Variants in GRAMD1B observed in about 807,000 individuals in gnomAD.
The protein encoded by GRAMD1B is protein Aster-B.
GRAMD1B carries 37 observed loss-of-function variants against 99.7 expected under a neutral mutation model. The ratio of observed to expected loss-of-function variants is 0.37; its 90% CI spans 0.29 to 0.49. The LOEUF is 0.49. GRAMD1B is among the 20% of genes least tolerant of loss of function. The pLI is 0.98. For missense variants in GRAMD1B, 888 were observed against 1,009.2 expected (o/e 0.88, Z 1.63); for synonymous variants, 427 against 387.6 (o/e 1.10, Z -1.19).
chr11:123,457,495 G>A (rs11219147), intron 1 of GRAMD1B, among the ~76,000 whole-genome samples: 19,018 of 152,160 alleles, frequency 0.12, 1,714 homozygotes, highest in East Asian at 0.37. Context: ...AGATTTCTTA[G>A]CTTAGCGTCA....
Position 123,435,598 on chromosome 11 carries a change from G to A in GRAMD1B, c.374+4432G>A, listed in dbSNP as rs1591527411. On this transcript the variant is annotated intron_variant, in intron 1 of 19. Transcript: ENST00000635736. ...ACTGGAATACTCCAAGACCAATCATGTTCATCTTTGTATCGTCACAGCACT... is the reference window on the plus strand; with the variant it reads ...ACTGGAATACTCCAAGACCAATCATATTCATCTTTGTATCGTCACAGCACT... 4.6e-5 allele frequency: 28 copies of A among 611,376 alleles called. No individual in the cohort carries two copies. The East Asian group carries it at 7.2e-4, about 16-fold the overall frequency. The allele number at this position is 611,376 out of a possible 1,614,324, so 37.9% of individuals were successfully genotyped here. A position where few individuals can be genotyped will look rare whatever the true frequency, so the allele number is the denominator to read the frequency against.
At chr11:123,393,774 T>C (rs1947360272) in intron 1 of GRAMD1B, among the ~76,000 whole-genome samples, 1 of 152,136 alleles carries the variant, frequency 6.6e-6, no homozygotes, top group Non-Finnish European at 1.5e-5. Context: ...CCCTCTTCAA[T>C]GTGGAAGGGG....
intron 2 of GRAMD1B, among the ~76,000 whole-genome samples, chr11:123,509,504 C>A (rs2846302): frequency 0.71 from 107,706 of 152,194 alleles, 38,362 homozygotes; most frequent in African/African-American, 0.76. Flanking sequence ...TTTTGTCAAG[C>A]AGGTCAGTGG....
At chr11:123,403,475 A>G (rs1198748131) in intron 1 of GRAMD1B, among the ~76,000 whole-genome samples, 1 of 147,728 alleles carries the variant, frequency 6.8e-6, no homozygotes, top group Non-Finnish European at 1.5e-5. Flanking sequence ...TAATAATAAT[A>G]ATAATAATAA....
intron 2 of GRAMD1B, among the ~76,000 whole-genome samples, chr11:123,543,319 A>G (rs1287288619): frequency 6.6e-6 from 1 of 152,200 alleles, no homozygotes; most frequent in Non-Finnish European, 1.5e-5. Flanking sequence ...AAGAATAAAA[A>G]TATACATGGA....
At chr11:123,434,603 C>T (rs963516407) in intron 1 of GRAMD1B, among the ~76,000 whole-genome samples, 31 of 152,124 alleles carry the variant, frequency 2.0e-4, no homozygotes, top group African/African-American at 7.5e-4. Flanking sequence ...GCCTAGCCAA[C>T]ATGGCAAAAC....
intron 1 of GRAMD1B, among the ~76,000 whole-genome samples, chr11:123,438,797 C>T (rs1352086223): frequency 6.6e-6 from 1 of 152,158 alleles, no homozygotes; most frequent in Non-Finnish European, 1.5e-5. Flanking sequence ...CCTCCAATTG[C>T]TATGCTGGTC....
upstream of GRAMD1B, among the ~76,000 whole-genome samples, chr11:123,429,199 A>G (rs1311440569): frequency 6.6e-6 from 1 of 152,066 alleles, no homozygotes; most frequent in Non-Finnish European, 1.5e-5. This position sits in a 1 kb window ranked among gnomAD's most constrained non-coding sequence, Gnocchi z 4.0. Context: ...TCTCTTAAAA[A>G]CAAAACAAAA....
chr11:123,541,165 G>A (rs549256726), intron 2 of GRAMD1B, among the ~76,000 whole-genome samples: 148 of 152,076 alleles, frequency 9.7e-4, no homozygotes, highest in African/African-American at 3.2e-3. Flanking sequence ...TAGTACAGAC[G>A]GAGTTTCTCC....
At chr11:123,487,299 A>G (rs552191004) in intron 2 of GRAMD1B, among the ~76,000 whole-genome samples, 2 of 152,266 alleles carry the variant, frequency 1.3e-5, no homozygotes, top group African/African-American at 4.8e-5. Context: ...AGAAAACTCT[A>G]CAGAGGGGGC....
chr11:123,430,267 C>CTCTCTG (rs1353200689), upstream of GRAMD1B: 12 of 149,664 alleles, frequency 8.0e-5, no homozygotes, highest in East Asian at 2.2e-3. Context: ...CTTCCTCTCT[C>CTCTCTG]TCTCTCTCTC....
At chr11:123,416,165 G>A (rs1379634456) in intron 1 of GRAMD1B, among the ~76,000 whole-genome samples, 3 of 152,170 alleles carry the variant, frequency 2.0e-5, no homozygotes, top group Non-Finnish European at 4.4e-5. Flanking sequence ...CATTTCCAAG[G>A]CATTAGTTAC....
chr11:123,559,796 C>A, intron 2 of GRAMD1B: 1 of 498,480 alleles, frequency 2.0e-6, no homozygotes, highest in Non-Finnish European at 2.6e-6. Context: ...AAGAGGCCCT[C>A]GGCCATCTTT....
chr11:123,420,399 T>A (rs752365689), intron 1 of GRAMD1B, among the ~76,000 whole-genome samples: 22 of 152,252 alleles, frequency 1.4e-4, no homozygotes, highest in Admixed American at 5.2e-4. Context: ...TACACCTACA[T>A]TATTAATGGC....
intron 3 of GRAMD1B, among the ~76,000 whole-genome samples, chr11:123,583,249 ATG>A (rs920194676): frequency 3.6e-4 from 47 of 129,834 alleles, no homozygotes; most frequent in African/African-American, 1.0e-3. Context: ...GTCTGTGTGA[ATG>A]TGTGTGCACA....
chr11:123,404,314 T>G (rs985159646), intron 1 of GRAMD1B, among the ~76,000 whole-genome samples: 2 of 152,258 alleles, frequency 1.3e-5, no homozygotes, highest in African/African-American at 4.8e-5. Flanking sequence ...TTCTTTTTTA[T>G]TAATTTGTGG....
chr11:123,433,679 CGTGTGTGTGT>C (rs59262021), intron 1 of GRAMD1B, among the ~76,000 whole-genome samples: 79 of 143,092 alleles, frequency 5.5e-4, no homozygotes, highest in South Asian at 4.0e-3. Flanking sequence ...ATGTTACGTG[CGTGTGTGTGT>C]GTGTGTGTGT....
chr11:123,606,490 G>C, intron 10 of GRAMD1B, 119 bp from the exon 11 acceptor site: 1 of 862,838 alleles, frequency 1.2e-6, no homozygotes. Context: ...CTCTGACTTC[G>C]CTCCTGAGCA....
chr11:123,420,684 G>A (rs1392874873), intron 1 of GRAMD1B, among the ~76,000 whole-genome samples: 4 of 152,172 alleles, frequency 2.6e-5, no homozygotes, highest in East Asian at 3.9e-4. Flanking sequence ...CTTCACAAAC[G>A]ATGACAGGGA....
Sources: allele counts gnomAD v4.1 joint callset (sites outside exome capture counted in the v4.1 genomes callset), GRCh38; gene constraint gnomAD v4.1.1; non-coding constraint Gnocchi (gnomAD v3.1); transcripts MANE v1.5; gene names NCBI Gene and HGNC (gene_info 2026-07-23, HGNC 2026-07-21).